RASA2: variants seen among roughly 807,000 people sequenced by gnomAD.
RASA2 encodes the protein RAS p21 protein activator 2.
RASA2 carries 155 observed loss-of-function variants against 118.2 expected under a neutral mutation model. That is an observed-to-expected ratio of 1.31 (90% CI 1.15 to 1.50). RASA2 has a LOEUF of 1.50. Ranked by LOEUF, RASA2 falls within the 40% of genes most tolerant of loss-of-function variation. The pLI is 0.00. For missense variants in RASA2, 1,016 were observed against 1,009.6 expected (o/e 1.01, Z -0.09); for synonymous variants, 353 against 349.1 (o/e 1.01, Z -0.12).
At chr3:141,497,796 C>T (rs1406514135) in intron 1 of RASA2, among the ~76,000 whole-genome samples, 1 of 150,982 alleles carries the variant, frequency 6.6e-6, no homozygotes. Flanking sequence ...CACTTGAGCC[C>T]AGGAGGTTGA....
rs763984505 is a variant in RASA2 at position 141,512,153 on chromosome 3, A to G, written c.134-10A>G. 4.5e-6 allele frequency: 7 copies of G among 1,566,500 alleles called. No homozygotes were observed. The East Asian group carries it at 6.8e-5, about 15-fold the overall frequency. On this transcript the variant is annotated splice_polypyrimidine_tract_variant and intron_variant, in intron 1 of 23. Transcript: ENST00000286364. ...ATATTTAATAACAATTTTAAATTTTATGCCAACAGGTGAAGCAAAAAATTT... is the reference window on the plus strand; with the variant it reads ...ATATTTAATAACAATTTTAAATTTTGTGCCAACAGGTGAAGCAAAAAATTT...
At chr3:141,487,864 A>G (rs906675346) in intron 1 of RASA2, among the ~76,000 whole-genome samples, 1 of 152,162 alleles carries the variant, frequency 6.6e-6, no homozygotes, top group Non-Finnish European at 1.5e-5. Flanking sequence ...GGACACCTGT[A>G]CTTGCCCCAC....
intron 1 of RASA2, among the ~76,000 whole-genome samples, chr3:141,511,939 A>G (rs1168019399): frequency 2.0e-5 from 3 of 151,938 alleles, no homozygotes; most frequent in Admixed American, 2.0e-4. Context: ...TGGGGATGCA[A>G]TTACGTAATA....
chr3:141,513,043 A>G (rs1430183023), intron 2 of RASA2, among the ~76,000 whole-genome samples: 1 of 151,328 alleles, frequency 6.6e-6, no homozygotes, highest in Admixed American at 6.6e-5. Context: ...AGCCTGGGCA[A>G]CAAGAGTGAA....
intron 1 of RASA2, among the ~76,000 whole-genome samples, chr3:141,497,703 GAA>G (rs36013391): frequency 2.3e-4 from 29 of 128,308 alleles, no homozygotes; most frequent in South Asian, 2.5e-4. Context: ...TTCTACAAAC[GAA>G]AAAAAAAAAA....
intron 6 of RASA2, 146 bp from the exon 7 acceptor site, chr3:141,555,693 CT>C: frequency 1.6e-6 from 1 of 622,220 alleles, no homozygotes; most frequent in Non-Finnish European, 2.8e-6. Flanking sequence ...AGGACAGTTA[CT>C]TTTTTCCAAG....
intron 3 of RASA2, among the ~76,000 whole-genome samples, chr3:141,522,942 G>A (rs539196077): frequency 2.6e-5 from 4 of 152,106 alleles, no homozygotes; most frequent in African/African-American, 9.6e-5. Context: ...TTTTCTTCTG[G>A]GATGATTCTC....
At chr3:141,595,726 T>G (rs2107787391) in intron 19 of RASA2, among the ~76,000 whole-genome samples, 1 of 152,218 alleles carries the variant, frequency 6.6e-6, no homozygotes, top group Middle Eastern at 3.4e-3. Flanking sequence ...CCTCCTGGGC[T>G]CAAGAGATCC....
chr3:141,570,860 A>G, intron 9 of RASA2, 52 bp from the exon 10 acceptor site: 1 of 1,524,756 alleles, frequency 6.6e-7, no homozygotes, highest in Middle Eastern at 1.7e-4. Flanking sequence ...AACTTGCCTC[A>G]TTGGCTTGAA....
At chr3:141,566,591 A>G (rs1039244806) in intron 9 of RASA2, among the ~76,000 whole-genome samples, 6 of 152,256 alleles carry the variant, frequency 3.9e-5, no homozygotes, top group African/African-American at 1.4e-4. Context: ...TTGAATACTA[A>G]GTGAATAGTG....
chr3:141,489,151 C>T (rs999959954), intron 1 of RASA2, among the ~76,000 whole-genome samples: 7 of 152,070 alleles, frequency 4.6e-5, no homozygotes, highest in African/African-American at 1.5e-4. Flanking sequence ...TTGAAGTATT[C>T]TATCTGTTAT....
At chr3:141,584,547 G>A (rs1044753969) in intron 17 of RASA2, among the ~76,000 whole-genome samples, 29 of 152,032 alleles carry the variant, frequency 1.9e-4, no homozygotes, top group East Asian at 1.9e-4. Flanking sequence ...ATTAGATTTC[G>A]ATTATCCCAG....
chr3:141,513,934 TAGA>T (rs1384510256), intron 2 of RASA2, among the ~76,000 whole-genome samples: 1 of 152,148 alleles, frequency 6.6e-6, no homozygotes, highest in African/African-American at 2.4e-5. Context: ...AGAAGAATCA[TAGA>T]AGGATAAATA....
At chr3:141,497,163 C>A (rs1396423076) in intron 1 of RASA2, among the ~76,000 whole-genome samples, 1 of 88,682 alleles carries the variant, frequency 1.1e-5, no homozygotes, top group African/African-American at 4.8e-5. Flanking sequence ...CGGGGCCTGT[C>A]GTGGGGTGGG....
intron 8 of RASA2, among the ~76,000 whole-genome samples, chr3:141,559,340 A>G (rs1268867270): frequency 6.6e-6 from 1 of 152,104 alleles, no homozygotes; most frequent in Non-Finnish European, 1.5e-5. Context: ...TCTAACAGAA[A>G]TTTCAGTGAG....
chr3:141,565,020 C>T (rs1433150200), intron 9 of RASA2, among the ~76,000 whole-genome samples: 2 of 152,114 alleles, frequency 1.3e-5, no homozygotes, highest in Non-Finnish European at 2.9e-5. Context: ...CAGTCTCTCT[C>T]TGTCGCCCAG....
In RASA2 at chr3:141,487,100, C is replaced by T. The variant is rs201352230; in HGVS notation, c.17C>T (p.Pro6Leu). The T allele has an allele frequency of 5.2e-3, 7,281 of 1,392,716 alleles. 26 individuals are homozygous for T. Among genetic ancestry groups the T allele is most frequent in the Non-Finnish European group, 6.3e-3 (6,702 of 1,059,864 alleles). The allele number at this position is 1,392,716 out of a possible 1,614,324, so 86.3% of individuals were successfully genotyped here. Residue 6 changes from proline (P) to leucine (L), a missense_variant, in exon 1 of 24, where the codon CCT becomes CTT. Coordinates refer to ENST00000286364, the MANE Select transcript of RASA2 (RefSeq NM_006506.5). MAAAA[P>L]AAAAASSEAP... is the part of the protein sequence containing the mutation. ...GGCGGCACCATGGCGGCGGCGGCGC[C>T]TGCTGCTGCGGCGGCTTCTTCCGAG...
intron 19 of RASA2, among the ~76,000 whole-genome samples, chr3:141,603,691 C>T (rs1235222943): frequency 6.6e-6 from 1 of 152,118 alleles, no homozygotes; most frequent in Non-Finnish European, 1.5e-5. Context: ...CCACTAATTC[C>T]AAAGCATTTT....
At chr3:141,493,864 A>G (rs557100261) in intron 1 of RASA2, among the ~76,000 whole-genome samples, 17 of 152,306 alleles carry the variant, frequency 1.1e-4, no homozygotes, top group African/African-American at 3.8e-4. Flanking sequence ...GCATTTACAA[A>G]CATAAATTTA....
Sources: gnomAD v4.1 joint callset for allele counts (sites outside exome capture counted in the v4.1 genomes callset) on GRCh38, gnomAD v4.1.1 for gene constraint, MANE v1.5 for transcripts, NCBI Gene and HGNC (gene_info 2026-07-23, HGNC 2026-07-21) for gene names.